Variants in WDR49 observed in about 807,000 individuals in gnomAD.
The protein encoded by WDR49 is WD repeat domain 49.
WDR49 carries 107 observed loss-of-function variants against 119.5 expected under a neutral mutation model. That is an observed-to-expected ratio of 0.90 (90% CI 0.77 to 1.05). The LOEUF (loss-of-function observed/expected upper bound fraction) is 1.05. Ranked by LOEUF, WDR49 falls within the 50% of genes least tolerant of loss-of-function variation. The pLI is 0.00. For missense variants in WDR49, 1,240 were observed against 1,220.5 expected (o/e 1.02, Z -0.24); for synonymous variants, 425 against 418.8 (o/e 1.01, Z -0.18).
intron 14 of WDR49, among the ~76,000 whole-genome samples, chr3:167,528,491 G>A (rs1011823049): frequency 6.7e-6 from 1 of 150,304 alleles, no homozygotes; most frequent in African/African-American, 2.5e-5. Context: ...CTCACCCCAG[G>A]CAACCTAGTG....
At chr3:167,589,003 AT>A (rs1197870901) in intron 7 of WDR49, among the ~76,000 whole-genome samples, 1 of 152,038 alleles carries the variant, frequency 6.6e-6, no homozygotes, top group Non-Finnish European at 1.5e-5. Context: ...TGCTCAAGAA[AT>A]TTTTGCCTAG....
chr3:167,576,591 G>A (rs549398177), intron 7 of WDR49, among the ~76,000 whole-genome samples: 1 of 152,286 alleles, frequency 6.6e-6, no homozygotes, highest in African/African-American at 2.4e-5. Context: ...GTCTTTAAAT[G>A]TGAAAGAGGG....
chr3:167,604,389 C>A lies in WDR49; in HGVS notation c.1038G>T (p.Glu346Asp), dbSNP rs1715936206. The A allele has an allele frequency of 6.2e-7, 1 of 1,613,636 alleles. No individual in the cohort carries two copies. The change falls in exon 6 of 19, where the codon GAG (glutamate) becomes GAT (aspartate). Residue 346 changes from glutamate to aspartate, a missense_variant. Glu to Asp is a conservative substitution (Grantham distance 45). Transcript: ENST00000682715. ...TCATATTAAGACGCTTTTTTGATTTCTCTCTCCAAGCCATCACCACACTAT... is the reference window on the plus strand; with the variant it reads ...TCATATTAAGACGCTTTTTTGATTTATCTCTCCAAGCCATCACCACACTAT... ...NTNSVVMAWR[E>D]KSKKRLNMTS...
chr3:167,507,956 G>T (rs1247091833), intron 16 of WDR49, among the ~76,000 whole-genome samples: 1 of 152,212 alleles, frequency 6.6e-6, no homozygotes, highest in Non-Finnish European at 1.5e-5. Context: ...GCAGAATAAT[G>T]TAATACCAGG....
At chr3:167,618,415 GTTGA>G (rs1426980059) in intron 5 of WDR49, among the ~76,000 whole-genome samples, 5 of 152,196 alleles carry the variant, frequency 3.3e-5, no homozygotes, top group African/African-American at 1.2e-4. Flanking sequence ...ATAAATAATT[GTTGA>G]TTGATTGACA....
At chr3:167,613,070 A>G (rs1406385016) in intron 5 of WDR49, among the ~76,000 whole-genome samples, 1 of 152,214 alleles carries the variant, frequency 6.6e-6, no homozygotes, top group African/African-American at 2.4e-5. Flanking sequence ...TTGTAACTCA[A>G]AGTGTAAATG....
Position 167,500,196 on chromosome 3 carries a change from C to T in WDR49, c.2988G>A (p.Glu996=), listed in dbSNP as rs925381714. The T allele has an allele frequency of 1.0e-5, 16 of 1,587,536 alleles. No homozygotes were observed. The Admixed American group carries it at 2.7e-4, about 27-fold the overall frequency. Residue 996 remains glutamate, a synonymous_variant, in exon 18 of 19, where the codon GAG becomes GAA. Coordinates refer to ENST00000682715, the MANE Select transcript of WDR49 (RefSeq NM_001366157.1). ...DPEKYFRKEP[E]EERPQILEAP... ...CCTCCAGAATTTGGGGACGCTCTTCCTCTGGTTCTTTCCTAAAGTATTTCT... is the reference window on the plus strand; with the variant it reads ...CCTCCAGAATTTGGGGACGCTCTTCTTCTGGTTCTTTCCTAAAGTATTTCT...
chr3:167,492,079 G>T (rs1751156081), intron 18 of WDR49, among the ~76,000 whole-genome samples: 2 of 151,774 alleles, frequency 1.3e-5, no homozygotes, highest in South Asian at 4.2e-4. Context: ...TGGAAAAAAT[G>T]CAGTGCAAAG....
rs1387465487 is a variant in WDR49, at chr3:167,560,210, CT to C, written c.1527del (p.Ser511LeufsTer7). ...SILKQVISSD[T>X]GSTVSFWMID... ...ATCATCCAGAAGGAAACAGTAGACC[CT>C]GTATCAGAGCTGATTACCTAAGAGA... On this transcript the variant is annotated frameshift_variant, in exon 9 of 19. Transcript: ENST00000682715. LOFTEE classifies it high-confidence loss of function. The C allele has an allele frequency of 6.2e-7, 1 of 1,613,910 alleles. No individual in the cohort carries two copies. Among genetic ancestry groups the C allele is most frequent in the South Asian group, 1.1e-5 (1 of 91,030 alleles).
chr3:167,595,267 C>G (rs1305510125), intron 7 of WDR49, among the ~76,000 whole-genome samples: 2 of 152,136 alleles, frequency 1.3e-5, no homozygotes, highest in African/African-American at 2.4e-5. Flanking sequence ...TAGGAAGAAT[C>G]AATATCGTGA....
Position 167,531,219 on chromosome 3 carries a change from T to G in WDR49, c.2114A>C (p.Asp705Ala). The G allele has an allele frequency of 6.2e-7, 1 of 1,611,696 alleles. No homozygotes were observed. The highest frequency in any genetic ancestry group is 8.5e-7 in the Non-Finnish European group (1 of 1,179,598). The change falls in exon 13 of 19, where the codon GAC becomes GCC. Residue 705 changes from aspartate to alanine, a missense_variant. Asp to Ala is a moderately radical substitution (Grantham distance 126, BLOSUM62 -2). Coordinates refer to ENST00000682715, the MANE Select transcript of WDR49 (RefSeq NM_001366157.1). ...GRSQPSHPMA[D>A]HSTTGVRNFE... ...GTTGCGGACTCCCGTGGTAGAATGG[T>G]CTGCCATGGGGTGGGAGGGTTGGCT...
At chr3:167,538,240 C>T (rs1311283010) in intron 10 of WDR49, among the ~76,000 whole-genome samples, 1 of 152,026 alleles carries the variant, frequency 6.6e-6, no homozygotes, top group African/African-American at 2.4e-5. Flanking sequence ...CTGTATAATG[C>T]TTCCATCTGC....
intron 2 of WDR49, among the ~76,000 whole-genome samples, chr3:167,643,698 G>A (rs1559930237): frequency 6.6e-6 from 1 of 151,972 alleles, no homozygotes; most frequent in East Asian, 1.9e-4. Flanking sequence ...CCTCCATAAA[G>A]GAAGGCCTAT....
intron 7 of WDR49, among the ~76,000 whole-genome samples, chr3:167,596,950 G>GAAA (rs528182004): frequency 2.5e-4 from 32 of 127,034 alleles, no homozygotes; most frequent in Admixed American, 1.3e-3. Context: ...ACTCAAAATG[G>GAAA]AAAAAAAAAA....
chr3:167,582,031 C>CGTGTGT (rs57233824), intron 7 of WDR49, among the ~76,000 whole-genome samples: 9,393 of 142,326 alleles, frequency 0.066, 804 homozygotes, highest in African/African-American at 0.2. Flanking sequence ...GGCATGCTTC[C>CGTGTGT]GTGTGTGTGT....
chr3:167,557,646 G>C (rs770109586), intron 9 of WDR49, among the ~76,000 whole-genome samples: 2 of 151,808 alleles, frequency 1.3e-5, no homozygotes, highest in Non-Finnish European at 2.9e-5. Flanking sequence ...CCAGCTACTC[G>C]GGAGGCTGAG....
Position 167,556,710 on chromosome 3 carries a change from A to G in WDR49, c.1675-1912T>C, listed in dbSNP as rs369942423. ...AGACCAGCCTGGCCAACATGGTGAA[A>G]CCCTGTCTCCACTAAAATTACAAAA... On this transcript the variant is annotated intron_variant, in intron 9 of 18. Coordinates refer to ENST00000682715, the MANE Select transcript of WDR49 (RefSeq NM_001366157.1). Among the ~76,000 whole-genome samples, 20 of 152,036 alleles carry G rather than the reference A, an allele frequency of 1.3e-4. 1 individual carries two copies. In the East Asian group the frequency reaches 3.9e-3, roughly 29 times the overall value.
At chr3:167,563,920 A>T (rs1161627956) in intron 8 of WDR49, among the ~76,000 whole-genome samples, 3 of 152,236 alleles carry the variant, frequency 2.0e-5, no homozygotes, top group Non-Finnish European at 4.4e-5. Context: ...GTACCAAAAG[A>T]TGATACTTTT....
At chr3:167,485,522 A>G (rs1364150318) in intron 18 of WDR49, among the ~76,000 whole-genome samples, 1 of 152,102 alleles carries the variant, frequency 6.6e-6, no homozygotes, top group Non-Finnish European at 1.5e-5. Context: ...AAGGAATCCA[A>G]TAAAATGATC....
Sources: gnomAD v4.1 joint callset for allele counts (sites outside exome capture counted in the v4.1 genomes callset) on GRCh38, gnomAD v4.1.1 for gene constraint, MANE v1.5 for transcripts, NCBI Gene and HGNC (gene_info 2026-07-23, HGNC 2026-07-21) for gene names.